The following CPNE4 variants were observed in gnomAD, a reference collection of about 807,000 sequenced individuals.
CPNE4 encodes the protein copine-4.
A neutral mutation model predicts 67.9 loss-of-function variants in CPNE4; 25 were observed. The observed-to-expected ratio is 0.37, with a 90% CI of 0.27 to 0.51. CPNE4 has a LOEUF of 0.51. CPNE4 is among the 20% of genes least tolerant of loss of function. The pLI, the probability that CPNE4 is intolerant of heterozygous loss-of-function variation, is 0.93. For missense variants in CPNE4, 464 were observed against 690.8 expected (o/e 0.67, Z 3.68); for synonymous variants, 242 against 244.9 (o/e 0.99, Z 0.11).
Position 131,802,187 on chromosome 3 carries a change from G to A in CPNE4, c.181-78562C>T, listed in dbSNP as rs2084156460. Among the ~76,000 whole-genome samples, 4 of 152,132 alleles carry A rather than the reference G, an allele frequency of 2.6e-5. No homozygotes were observed. The South Asian group carries it at 8.3e-4, about 32-fold the overall frequency. ...CAGAGATTTGAGGCCGTAGAAATAT[G>A]GGAGAGAACAGGGAATGGACTAAGT... On this transcript the variant is annotated intron_variant, in intron 2 of 15. Coordinates refer to ENST00000429747, the MANE Select transcript of CPNE4 (RefSeq NM_130808.3).
At chr3:131,747,597 C>T (rs1204041798) in intron 2 of CPNE4, among the ~76,000 whole-genome samples, 1 of 152,076 alleles carries the variant, frequency 6.6e-6, no homozygotes, top group Non-Finnish European at 1.5e-5. Context: ...ATCTCAAACT[C>T]CTGTGCTCAA....
At chr3:131,628,093 A>T (rs938659463) in intron 7 of CPNE4, among the ~76,000 whole-genome samples, 1 of 152,246 alleles carries the variant, frequency 6.6e-6, no homozygotes, top group Non-Finnish European at 1.5e-5. Flanking sequence ...TGAAATAAAG[A>T]GTCAACGGGG....
At chr3:131,805,143 C>T (rs1315523633) in intron 2 of CPNE4, among the ~76,000 whole-genome samples, 1 of 152,168 alleles carries the variant, frequency 6.6e-6, no homozygotes, top group Non-Finnish European at 1.5e-5. Context: ...CCAATCAGCC[C>T]ATGTATGAAT....
intron 2 of CPNE4, among the ~76,000 whole-genome samples, chr3:131,871,789 T>C (rs764372865): frequency 5.3e-4 from 81 of 152,194 alleles, no homozygotes; most frequent in Non-Finnish European, 9.7e-4. Context: ...ACCTATTACC[T>C]CTGGAACTAT....
Position 131,575,100 on chromosome 3 carries a change from T to G in CPNE4, c.898A>C (p.Ile300Leu). The G allele has an allele frequency of 6.2e-7, 1 of 1,612,794 alleles. No homozygotes were observed. Among genetic ancestry groups the G allele is most frequent in the Non-Finnish European group, 8.5e-7 (1 of 1,179,132 alleles). ...IHKMHSFLDY[I>L]MGGCQIQFTV... ...AACTGGATTTGGCAGCCACCCATGA[T>G]GTAGTCCAAGAAAGAATGCATCTTG... Residue 300 changes from isoleucine to leucine, a missense_variant, in exon 10 of 16, where the codon ATC becomes CTC. Ile to Leu is a conservative substitution (Grantham distance 5). Transcript: ENST00000429747.
intron 2 of CPNE4, among the ~76,000 whole-genome samples, chr3:131,845,470 G>A (rs2085960385): frequency 6.6e-6 from 1 of 152,066 alleles, no homozygotes; most frequent in Admixed American, 6.5e-5. Context: ...AATTTATACT[G>A]CTCACCCATT....
In CPNE4 at chr3:131,587,472, T is replaced by C. The variant is rs751800365; in HGVS notation, c.780+12A>G. ...CGACTGGAGGCAAAACCAAAAGTGG[T>C]TGACCATGTACCTGTTTCCCTTCCA... On this transcript the variant is annotated intron_variant, in intron 8 of 15. Coordinates refer to ENST00000429747, the MANE Select transcript of CPNE4 (RefSeq NM_130808.3). 7 of 1,607,280 alleles carry C rather than the reference T, an allele frequency of 4.4e-6. No individual in the cohort carries two copies. The African/African-American group carries it at 5.4e-5, about 12-fold the overall frequency.
intron 2 of CPNE4, among the ~76,000 whole-genome samples, chr3:131,739,171 G>T (rs1398233580): frequency 6.6e-6 from 1 of 152,146 alleles, no homozygotes; most frequent in East Asian, 1.9e-4. Flanking sequence ...GACAGTAAAA[G>T]CTCACCTGCA....
chr3:131,738,966 T>C (rs9985396), intron 2 of CPNE4, among the ~76,000 whole-genome samples: 73,596 of 151,642 alleles, frequency 0.49, 19,177 homozygotes, highest in Non-Finnish European at 0.58. Flanking sequence ...GCGATTCTCC[T>C]GCCTCAGCCT....
chr3:131,747,681 T>C (rs2082526825), intron 2 of CPNE4, among the ~76,000 whole-genome samples: 2 of 152,262 alleles, frequency 1.3e-5, no homozygotes, highest in South Asian at 2.1e-4. Context: ...GGTTTCTACA[T>C]GTTAATCGTT....
chr3:131,555,662 C>A, intron 11 of CPNE4, 111 bp from the exon 12 acceptor site: 1 of 830,660 alleles, frequency 1.2e-6, no homozygotes, highest in South Asian at 1.5e-5. Context: ...TGTTGCTATG[C>A]CAGTGCTGAC....
At chr3:131,792,624 T>TATACACACGTGTGTATATATAC (rs1560321100) in intron 2 of CPNE4, among the ~76,000 whole-genome samples, 1 of 74,490 alleles carries the variant, frequency 1.3e-5, no homozygotes, top group Admixed American at 1.6e-4. Context: ...TATATGTATA[T>TATACACACGTGTGTATATATAC]ATATATACAC....
chr3:131,821,008 A>G (rs1560394942), intron 2 of CPNE4, among the ~76,000 whole-genome samples: 1 of 152,146 alleles, frequency 6.6e-6, no homozygotes, highest in Non-Finnish European at 1.5e-5. Flanking sequence ...GGAAAGACAT[A>G]TCTTGCCAAC....
chr3:131,619,901 T>C (rs1940368808), intron 7 of CPNE4, among the ~76,000 whole-genome samples: 2 of 152,092 alleles, frequency 1.3e-5, no homozygotes, highest in African/African-American at 4.8e-5. Context: ...AGGGGAGGGA[T>C]GGAAAGAGAT....
intron 7 of CPNE4, among the ~76,000 whole-genome samples, chr3:131,663,735 G>A (rs2080187181): frequency 6.6e-6 from 1 of 152,180 alleles, no homozygotes; most frequent in African/African-American, 2.4e-5. Flanking sequence ...GGCAGCCTAA[G>A]ATAGACGGCG....
At chr3:131,942,488 G>C (rs1411834147) in intron 1 of CPNE4, among the ~76,000 whole-genome samples, 5 of 126,660 alleles carry the variant, frequency 3.9e-5, no homozygotes, top group Admixed American at 7.6e-5. Context: ...GAGAGAGAGA[G>C]AGAGAGAGAG....
intron 14 of CPNE4, among the ~76,000 whole-genome samples, chr3:131,544,636 A>G (rs1341487021): frequency 2.6e-5 from 4 of 152,156 alleles, no homozygotes; most frequent in African/African-American, 9.7e-5. Context: ...AGTAGGATGA[A>G]GTGATGGAGG....
intron 5 of CPNE4, among the ~76,000 whole-genome samples, chr3:131,689,438 A>G (rs1325270205): frequency 6.6e-6 from 1 of 152,192 alleles, no homozygotes; most frequent in Non-Finnish European, 1.5e-5. Flanking sequence ...CAACGTACAC[A>G]TATCAAAAAC....
At chr3:132,011,538 T>C (rs778994555) in intron 1 of CPNE4, among the ~76,000 whole-genome samples, 1 of 152,196 alleles carries the variant, frequency 6.6e-6, no homozygotes, top group African/African-American at 2.4e-5. Context: ...GAGGCCCTAG[T>C]AGCTGGAGAA....
Sources: gnomAD v4.1 joint callset for allele counts (sites outside exome capture counted in the v4.1 genomes callset) on GRCh38, gnomAD v4.1.1 for gene constraint, MANE v1.5 for transcripts, NCBI Gene and HGNC (gene_info 2026-07-23, HGNC 2026-07-21) for gene names.